Variants in RNF2 observed in about 807,000 individuals in gnomAD.
RNF2 encodes ring finger protein 2.
A neutral mutation model predicts 37.2 loss-of-function variants in RNF2; 6 were observed. The observed-to-expected ratio is 0.16, with a 90% confidence interval of 0.09 to 0.32. The LOEUF (loss-of-function observed/expected upper bound fraction) is 0.32. Among genes scored for constraint, RNF2 ranks in the 10% least tolerant of loss-of-function variants. The pLI, the probability that RNF2 is intolerant of heterozygous loss-of-function variation, is 1.00. For missense variants in RNF2, 251 were observed against 404.0 expected, an observed-to-expected ratio of 0.62 and a Z score of 3.25; for synonymous variants, 133 against 132.7, an observed-to-expected ratio of 1.00 and a Z score of -0.02.
chr1:185,048,137 A>G (rs1650170875), intron 1 of RNF2, among the ~76,000 whole-genome samples: 1 of 152,126 alleles, frequency 6.6e-6, no homozygotes, highest in African/African-American at 2.4e-5. Context: ...TTACATAAAT[A>G]TTTTGACTGT....
At chr1:185,094,961 C>A (rs770969401) in intron 4 of RNF2, among the ~76,000 whole-genome samples, 2 of 152,138 alleles carry the variant, frequency 1.3e-5, no homozygotes, top group Non-Finnish European at 2.9e-5. Flanking sequence ...GGCATCATCC[C>A]GGTCCCAGTA....
chr1:185,098,123 T>C lies in RNF2; in HGVS notation c.516T>C (p.Asp172=), dbSNP rs1186934071. ...TTGAAAATGGTAGTGGAGCAGAAGA[T>C]AATGGTGACAGTTCACACTGCAGTA... The part of the protein sequence containing the change: ...QQIENGSGAE[D]NGDSSHCSNA... The change falls in exon 5 of 7, where the codon GAT becomes GAC. Residue 172 remains aspartate (D), a synonymous_variant. Transcript: ENST00000367510. The C allele has an allele frequency of 6.2e-7, 1 of 1,614,188 alleles. No homozygotes were observed.
chr1:185,094,063 A>C (rs779840455), intron 4 of RNF2, among the ~76,000 whole-genome samples: 2 of 152,032 alleles, frequency 1.3e-5, no homozygotes, highest in Non-Finnish European at 2.9e-5. Flanking sequence ...ACTTCTCTTC[A>C]TTCTTACTCA....
At chr1:185,089,635 A>G (rs1651708338) in intron 2 of RNF2, among the ~76,000 whole-genome samples, 1 of 152,134 alleles carries the variant, frequency 6.6e-6, no homozygotes, top group African/African-American at 2.4e-5. Flanking sequence ...ACAAAAGATG[A>G]ATAGGCAGTT....
At chr1:185,082,367 T>TG (rs1553241655) in intron 1 of RNF2, among the ~76,000 whole-genome samples, 97 of 113,234 alleles carry the variant, frequency 8.6e-4, no homozygotes, top group African/African-American at 3.2e-3. Context: ...TTTTTTTTTT[T>TG]GAAGACAGAG....
chr1:185,076,268 GTTTTTTTTTTTTTTTTTTTTTTTTTTTTT>G (rs71101959), intron 1 of RNF2, among the ~76,000 whole-genome samples: 1 of 27,334 alleles, frequency 3.7e-5, no homozygotes, highest in Non-Finnish European at 7.6e-5. Context: ...TTTATGGGTT[GTTTTTTTTTTTTTTTTTTTTTTTTTTTTT>G]TTTTTTTTTT....
At chr1:185,091,273 GTA>G (rs1469481903) in intron 2 of RNF2, among the ~76,000 whole-genome samples, 1 of 152,106 alleles carries the variant, frequency 6.6e-6, no homozygotes, top group African/African-American at 2.4e-5. Flanking sequence ...CTAACCTAAG[GTA>G]TATGATTCCA....
At chr1:185,086,119 T>G (rs1272190440) in intron 1 of RNF2, among the ~76,000 whole-genome samples, 1 of 152,210 alleles carries the variant, frequency 6.6e-6, no homozygotes, top group Non-Finnish European at 1.5e-5. Flanking sequence ...CTTTTTAAGG[T>G]TTATTTCATC....
rs865983679 is a variant in RNF2, at chr1:185,091,709, C to T, written c.218C>T (p.Ala73Val). 1 of 1,614,024 alleles carries T rather than the reference C, an allele frequency of 6.2e-7. No individual in the cohort carries two copies. Among genetic ancestry groups the T allele is most frequent in the Non-Finnish European group, 8.5e-7 (1 of 1,179,948 alleles). The change falls in exon 3 of 7, where the codon GCA (alanine) becomes GTA (valine). Residue 73 changes from alanine (A) to valine (V), a missense_variant. This residue lies in a region of RNF2 where 4 missense variants were observed against 39.9 expected (regional missense o/e 0.10). Transcript: ENST00000367510. ...AAGGAGTGTTTACATCGTTTTTGTGCAGACTGCATCATCACAGCCCTTAGA... is the reference window on the plus strand; with the variant it reads ...AAGGAGTGTTTACATCGTTTTTGTGTAGACTGCATCATCACAGCCCTTAGA... ...TTKECLHRFC[A>V]DCIITALRSG...
intron 1 of RNF2, among the ~76,000 whole-genome samples, chr1:185,051,145 T>TA (rs1186242617): frequency 5.3e-5 from 8 of 151,344 alleles, no homozygotes; most frequent in East Asian, 1.9e-4. Context: ...ATTCTTCACT[T>TA]AAAAAAAAAG....
chr1:185,081,680 G>C (rs1346766754), intron 1 of RNF2, among the ~76,000 whole-genome samples: 4 of 152,080 alleles, frequency 2.6e-5, no homozygotes, highest in Non-Finnish European at 5.9e-5. Flanking sequence ...GAAGTGCTGG[G>C]ATTACAGGTG....
rs762828197 is a variant in RNF2, at chr1:185,093,115, G to A, written c.303G>A (p.Arg101=). The change falls in exon 4 of 7, where the codon AGG becomes AGA. Residue 101 remains arginine (R), a synonymous_variant. Transcript: ENST00000367510. ...AACTAGTTTCCAAAAGATCACTAAGGCCAGACCCAAACTTTGATGCACTCA... is the reference window on the plus strand; with the variant it reads ...AACTAGTTTCCAAAAGATCACTAAGACCAGACCCAAACTTTGATGCACTCA... ...RKKLVSKRSL[R]PDPNFDALIS... The A allele has an allele frequency of 1.2e-6, 2 of 1,613,862 alleles. No individual in the cohort carries two copies. The highest frequency in any genetic ancestry group is 2.2e-5 in the South Asian group (2 of 91,066).
chr1:185,065,717 T>C (rs1369903754), intron 1 of RNF2, among the ~76,000 whole-genome samples: 1 of 152,230 alleles, frequency 6.6e-6, no homozygotes. Flanking sequence ...CTTTAAGAGC[T>C]GTAACACTCA....
intron 1 of RNF2, among the ~76,000 whole-genome samples, chr1:185,047,889 C>G (rs1419920467): frequency 6.6e-6 from 1 of 152,118 alleles, no homozygotes; most frequent in East Asian, 1.9e-4. Flanking sequence ...TGGTTAATTT[C>G]TCGATTGATT....
intron 1 of RNF2, among the ~76,000 whole-genome samples, chr1:185,086,117 G>GA: frequency 6.6e-6 from 1 of 151,904 alleles, no homozygotes; most frequent in African/African-American, 2.4e-5. Flanking sequence ...TTCTTTTTAA[G>GA]GTTTATTTCA....
chr1:185,099,408 T>C (rs1245567847), intron 5 of RNF2, among the ~76,000 whole-genome samples: 2 of 152,160 alleles, frequency 1.3e-5, no homozygotes, highest in African/African-American at 2.4e-5. Flanking sequence ...AATAAGAAAT[T>C]TGCTTCTATT....
chr1:185,073,092 A>G (rs539113083), intron 1 of RNF2, among the ~76,000 whole-genome samples: 40 of 142,646 alleles, frequency 2.8e-4, no homozygotes, highest in African/African-American at 1.0e-3. Context: ...TGTGTGTTGT[A>G]TACATATATT....
intron 6 of RNF2, 45 bp from the exon 7 acceptor site, chr1:185,100,155 T>A: frequency 7.0e-7 from 1 of 1,427,398 alleles, no homozygotes; most frequent in Non-Finnish European, 9.6e-7. Context: ...ATTATTATTG[T>A]GGTTTGTGCA....
At chr1:185,071,197 C>T (rs1321450211) in intron 1 of RNF2, among the ~76,000 whole-genome samples, 5 of 152,112 alleles carry the variant, frequency 3.3e-5, no homozygotes, top group Non-Finnish European at 5.9e-5. Context: ...AAGTCAGTTA[C>T]GCATTCATCT....
Sources: gnomAD v4.1 joint callset for allele counts (sites outside exome capture counted in the v4.1 genomes callset) on GRCh38, gnomAD v4.1.1 for gene constraint, gnomAD v4.1.1 regional missense constraint, MANE v1.5 for transcripts, NCBI Gene and HGNC (gene_info 2026-07-23, HGNC 2026-07-21) for gene names.